FAAH2: variants seen among roughly 807,000 people sequenced by gnomAD.
FAAH2 encodes the protein fatty-acid amide hydrolase 2.
Under a neutral mutation model 36.9 loss-of-function variants are expected in FAAH2, and 60 were observed. That is an observed-to-expected ratio of 1.63 (90% CI 1.32 to 2.02). The LOEUF (loss-of-function observed/expected upper bound fraction) is 2.02. Ranked by LOEUF, FAAH2 falls within the 30% of genes most tolerant of loss-of-function variation. The pLI is 0.00. For synonymous variants in FAAH2, 214 were observed against 143.8 expected (o/e 1.49, Z -3.49); for missense variants, 689 against 397.5 (o/e 1.73, Z -6.23).
intron 7 of FAAH2, among the ~76,000 whole-genome samples, chrX:57,416,556 C>G (rs1441450244): frequency 2.7e-5 from 3 of 111,872 alleles, no homozygotes; most frequent in Non-Finnish European, 5.6e-5. Flanking sequence ...GAATATTGGC[C>G]CCCACTCTAT....
At chrX:57,478,111 T>A (rs1357033277) in intron 10 of FAAH2, among the ~76,000 whole-genome samples, 8 of 111,971 alleles carry the variant, frequency 7.1e-5, no homozygotes, top group African/African-American at 2.6e-4. Flanking sequence ...ACCAACAGTG[T>A]GAAAGTGTTC....
intron 7 of FAAH2, among the ~76,000 whole-genome samples, chrX:57,396,396 T>C (rs747904118): frequency 9.2e-6 from 1 of 108,964 alleles, no homozygotes; most frequent in Admixed American, 9.8e-5. Flanking sequence ...TTTTTTCTTG[T>C]TTTTCTACTT....
the FAAH2 span, among the ~76,000 whole-genome samples, chrX:57,123,767 T>G: frequency 8.9e-6 from 1 of 112,652 alleles, no homozygotes; most frequent in African/African-American, 3.2e-5. Context: ...TGAAGAGCAT[T>G]TATTCATGTG....
In FAAH2 at chrX:57,393,136, G is replaced by A. The variant is rs768861825; in HGVS notation, c.996+12107G>A. ...CCCTCTGTTCTCTGGAAAGGCAGCC[G>A]ATGAGGTCCAGCTCAGTCTCTGTAT... is the stretch of plus-strand genomic sequence containing the variant. On this transcript the variant is annotated intron_variant, in intron 7 of 10. Transcript: ENST00000374900. 1.1e-5 allele frequency: 12 copies of A among 1,063,666 alleles called. No homozygotes were observed. The Admixed American group carries it at 1.5e-4, about 14-fold the overall frequency. 87.7% of individuals were successfully genotyped at this position (1,063,666 alleles called of 1,213,427 possible). A position where few individuals can be genotyped will look rare whatever the true frequency, so the allele number is the denominator to read the frequency against.
chrX:57,437,405 A>G (rs1224538075), intron 8 of FAAH2, among the ~76,000 whole-genome samples: 2 of 110,462 alleles, frequency 1.8e-5, no homozygotes, highest in Non-Finnish European at 3.8e-5. Context: ...AAAGAAATAA[A>G]AGATATCCAA....
At chrX:57,174,616 TA>T in the FAAH2 span, among the ~76,000 whole-genome samples, 1 of 111,412 alleles carries the variant, frequency 9.0e-6, no homozygotes, top group African/African-American at 3.2e-5. Flanking sequence ...TTTCTTTTAC[TA>T]GCTTTGAATT....
At chrX:57,123,366 T>G in the FAAH2 span, among the ~76,000 whole-genome samples, 1 of 112,179 alleles carries the variant, frequency 8.9e-6, no homozygotes, top group Non-Finnish European at 1.9e-5. Flanking sequence ...TATTCCATGG[T>G]GTATATGTGC....
chrX:57,346,150 A>G (rs1409009055), intron 5 of FAAH2, among the ~76,000 whole-genome samples: 1 of 111,187 alleles, frequency 9.0e-6, no homozygotes, highest in Non-Finnish European at 1.9e-5. Context: ...AATTAGTCAA[A>G]TGTTAAGGTT....
chrX:57,202,240 T>G, the FAAH2 span, among the ~76,000 whole-genome samples: 1 of 112,034 alleles, frequency 8.9e-6, no homozygotes, highest in Non-Finnish European at 1.9e-5. Flanking sequence ...AAGTATTTGT[T>G]GCAGTCCTCT....
the FAAH2 span, among the ~76,000 whole-genome samples, chrX:57,231,581 A>G: frequency 9.0e-6 from 1 of 111,549 alleles, no homozygotes; most frequent in African/African-American, 3.3e-5. Context: ...TTATACCTTT[A>G]TATTCACTAT....
intron 10 of FAAH2, among the ~76,000 whole-genome samples, chrX:57,485,637 A>G (rs1205020840): frequency 9.0e-6 from 1 of 111,359 alleles, no homozygotes; most frequent in East Asian, 2.8e-4. Flanking sequence ...TTTTTCTTAT[A>G]CTTTCTTTAA....
chrX:57,372,354 GAT>G (rs1417967769), intron 5 of FAAH2, among the ~76,000 whole-genome samples: 1 of 110,702 alleles, frequency 9.0e-6, no homozygotes. Context: ...ACTGGTGTGA[GAT>G]GGTATTTCTT....
chrX:57,268,019 G>A, the FAAH2 span, among the ~76,000 whole-genome samples: 5 of 112,076 alleles, frequency 4.5e-5, no homozygotes, highest in Admixed American at 1.9e-4. Flanking sequence ...GAAATGACAA[G>A]TACAATTCAG....
At chrX:57,350,535 A>G (rs377369586) in intron 5 of FAAH2, among the ~76,000 whole-genome samples, 3 of 111,354 alleles carry the variant, frequency 2.7e-5, no homozygotes, top group African/African-American at 9.7e-5. Flanking sequence ...GAACATAAAC[A>G]TATTAAAATC....
chrX:57,448,602 G>T lies in FAAH2; in HGVS notation c.1307G>T (p.Arg436Leu), dbSNP rs760161926. ...TTTAAGGCAGTGGAAGAAAGCCTGCGTAAAGAGCTGGTGGATATGCTAGGT... is the reference window on the plus strand; with the variant it reads ...TTTAAGGCAGTGGAAGAAAGCCTGCTTAAAGAGCTGGTGGATATGCTAGGT... ...QKFKAVEESL[R>L]KELVDMLGDD... The change falls in exon 10 of 11, where the codon CGT becomes CTT. Residue 436 changes from arginine (R) to leucine (L), a missense_variant. Transcript: ENST00000374900. 8.3e-7 allele frequency: 1 copy of T among 1,211,398 alleles called. No individual in the cohort carries two copies. Among genetic ancestry groups the T allele is most frequent in the East Asian group, 3.0e-5 (1 of 33,785 alleles).
intron 7 of FAAH2, among the ~76,000 whole-genome samples, chrX:57,424,185 C>T (rs771351453): frequency 2.2e-4 from 25 of 112,174 alleles, no homozygotes; most frequent in Non-Finnish European, 3.9e-4. Flanking sequence ...TACTCCCCTG[C>T]TACTCCAGTC....
chrX:57,421,898 A>G (rs2056041200), intron 7 of FAAH2, among the ~76,000 whole-genome samples: 1 of 111,656 alleles, frequency 9.0e-6, no homozygotes, highest in Non-Finnish European at 1.9e-5. Flanking sequence ...ACTAAATCCA[A>G]TGAGAATTAT....
Position 57,310,602 on chromosome X carries a change from A to G in FAAH2, c.285A>G (p.Glu95=). The G allele has an allele frequency of 8.3e-7, 1 of 1,202,418 alleles. No homozygotes were observed. The highest frequency in any genetic ancestry group is 3.0e-5 in the East Asian group (1 of 33,707). Residue 95 remains glutamate, a synonymous_variant, in exon 3 of 11, where the codon GAA becomes GAG. Coordinates refer to ENST00000374900, the MANE Select transcript of FAAH2 (RefSeq NM_174912.4). ...INGIVKYRFE[E]AMKEAHAVDQ... The stretch of plus-strand genomic sequence containing the variant: ...TTTTATTTCTTCTTAGGTTTGAGGA[A>G]GCGATGAAGGAGGCTCATGCTGTAG...
intron 7 of FAAH2, among the ~76,000 whole-genome samples, chrX:57,421,373 A>G (rs1052771596): frequency 8.9e-6 from 1 of 111,878 alleles, no homozygotes; most frequent in Non-Finnish European, 1.9e-5. Context: ...AGTTGCTTGA[A>G]CCCAAGAGGT....
Sources: gnomAD v4.1 joint callset for allele counts (sites outside exome capture counted in the v4.1 genomes callset) on GRCh38, gnomAD v4.1.1 for gene constraint, MANE v1.5 for transcripts, NCBI Gene and HGNC (gene_info 2026-07-23, HGNC 2026-07-21) for gene names.